The following MYO16 variants were observed in gnomAD, a reference collection of about 807,000 sequenced individuals.
MYO16 encodes the protein myosin XVI.
MYO16 carries 94 observed loss-of-function variants against 205.3 expected under a neutral mutation model. That is an observed-to-expected ratio of 0.46 (90% confidence interval 0.39 to 0.54). The LOEUF is 0.54. MYO16 is among the 20% of genes least tolerant of loss of function. The pLI, the probability that MYO16 is intolerant of heterozygous loss-of-function variation, is 0.00. For missense variants in MYO16, 2,315 were observed against 2,387.5 expected (o/e 0.97, Z 0.63); for synonymous variants, 988 against 954.0 (o/e 1.04, Z -0.66).
the MYO16 span, among the ~76,000 whole-genome samples, chr13:108,527,494 C>A: frequency 2.7e-3 from 409 of 152,242 alleles, 3 homozygotes; most frequent in African/African-American, 9.1e-3. Flanking sequence ...TAACCTCTGG[C>A]TTCAGTTATA....
intron 24 of MYO16, 72 bp downstream of exon 24, chr13:109,047,063 A>C: frequency 8.7e-7 from 1 of 1,155,072 alleles, no homozygotes; most frequent in Non-Finnish European, 1.3e-6. Flanking sequence ...ATCTCTGAAT[A>C]TTTTCCTAGA....
In MYO16 at chr13:109,166,523, G is replaced by C. The variant is rs576447244; in HGVS notation, c.5323+1464G>C. 2.0e-5 allele frequency: 3 copies of C among 152,334 alleles called. No individual in the cohort carries two copies. In the East Asian group the frequency reaches 5.8e-4, roughly 29 times the overall value. The allele number at this position is 152,334 out of a possible 1,614,324, so 9.4% of individuals were successfully genotyped here. A position where few individuals can be genotyped will look rare whatever the true frequency, so the allele number is the denominator to read the frequency against. On this transcript the variant is annotated intron_variant, in intron 33 of 34. Transcript: ENST00000457511. ...TGAAGTCTTAGGGAAAGAAGAGGGA[G>C]CGCATGAGCAGAAGAAAGACTTGGT...
the MYO16 span, among the ~76,000 whole-genome samples, chr13:108,547,146 C>A: frequency 6.6e-6 from 1 of 151,974 alleles, no homozygotes; most frequent in Admixed American, 6.6e-5. Context: ...ATGGCGGGCA[C>A]CTGTAGTCCC....
intron 22 of MYO16, among the ~76,000 whole-genome samples, chr13:109,018,606 AG>A (rs1885912157): frequency 6.6e-6 from 1 of 152,160 alleles, no homozygotes; most frequent in African/African-American, 2.4e-5. Flanking sequence ...AAGGCTCTGT[AG>A]GCATTGGATC....
At chr13:108,594,783 T>C (rs1878497030), upstream of MYO16, among the ~76,000 whole-genome samples, 1 of 152,200 alleles carries the variant, frequency 6.6e-6, no homozygotes, top group Admixed American at 6.5e-5. Flanking sequence ...CTTGTACCAT[T>C]GCCTGCTTGA....
intron 27 of MYO16, among the ~76,000 whole-genome samples, chr13:109,086,966 A>G (rs1156439803): frequency 6.6e-6 from 1 of 152,218 alleles, no homozygotes; most frequent in Non-Finnish European, 1.5e-5. Flanking sequence ...ACTGCTACTA[A>G]TGTTTAATAT....
intron 17 of MYO16, 50 bp from the exon 18 acceptor site, chr13:108,961,489 A>G: frequency 1.3e-6 from 2 of 1,490,648 alleles, no homozygotes; most frequent in South Asian, 1.1e-5. Flanking sequence ...TTGCCTTTTA[A>G]TCTTTCTTCT....
chr13:108,536,602 T>C, the MYO16 span, among the ~76,000 whole-genome samples: 3 of 152,114 alleles, frequency 2.0e-5, no homozygotes, highest in African/African-American at 7.2e-5. Context: ...TGTTCACTCA[T>C]CACTTAATAA....
intron 32 of MYO16, among the ~76,000 whole-genome samples, chr13:109,147,879 AG>A (rs1401413044): frequency 1.3e-5 from 2 of 152,156 alleles, no homozygotes; most frequent in East Asian, 3.9e-4. Flanking sequence ...TGGGGAAACT[AG>A]ATTAACACCC....
intron 1 of MYO16, among the ~76,000 whole-genome samples, chr13:108,632,136 A>C (rs556462719): frequency 6.7e-6 from 1 of 149,496 alleles, no homozygotes; most frequent in African/African-American, 2.4e-5. Flanking sequence ...GGGTTTATTG[A>C]TAAGGATCAT....
intron 7 of MYO16, among the ~76,000 whole-genome samples, chr13:108,816,475 G>A (rs1300249751): frequency 6.6e-6 from 1 of 151,748 alleles, no homozygotes; most frequent in African/African-American, 2.4e-5. Flanking sequence ...TAAGGTCTGT[G>A]CAGCATTAAC....
At chr13:108,858,160 G>T (rs1001574636) in intron 11 of MYO16, among the ~76,000 whole-genome samples, 3 of 152,184 alleles carry the variant, frequency 2.0e-5, no homozygotes, top group African/African-American at 7.2e-5. Flanking sequence ...GTGAAAATAA[G>T]TGTTTTTACA....
the MYO16 span, among the ~76,000 whole-genome samples, chr13:108,586,563 A>C: frequency 2.6e-5 from 4 of 152,332 alleles, no homozygotes; most frequent in South Asian, 4.1e-4. Flanking sequence ...AGGTCACTGC[A>C]GGGCAGATGC....
chr13:108,899,836 T>C (rs9514938), intron 15 of MYO16, among the ~76,000 whole-genome samples: 151,281 of 152,346 alleles, frequency 0.99, 75,124 homozygotes, highest in Middle Eastern at 1. Context: ...GGCCCAAGGA[T>C]GAGCACTGCG....
At chr13:108,771,370 A>G (rs1224334254) in intron 4 of MYO16, among the ~76,000 whole-genome samples, 2 of 152,182 alleles carry the variant, frequency 1.3e-5, no homozygotes, top group Non-Finnish European at 2.9e-5. Context: ...TTTTAGGTTC[A>G]CAGCAAAATT....
At chr13:109,047,126 C>A (rs1887070558) in intron 24 of MYO16, 135 bp downstream of exon 24, 5 of 650,040 alleles carry the variant, frequency 7.7e-6, no homozygotes, top group Non-Finnish European at 1.3e-5. Context: ...TTCTAATGCC[C>A]AGACTAATGA....
chr13:108,863,917 T>C (rs1346314612), intron 11 of MYO16, among the ~76,000 whole-genome samples: 1 of 152,162 alleles, frequency 6.6e-6, no homozygotes, highest in Non-Finnish European at 1.5e-5. Context: ...TGTATTTTCC[T>C]AGGATTGTTG....
intron 31 of MYO16, among the ~76,000 whole-genome samples, chr13:109,135,887 C>T (rs369179284): frequency 6.6e-6 from 1 of 152,120 alleles, no homozygotes; most frequent in South Asian, 2.1e-4. Context: ...TCTTAGAAGA[C>T]CTGTGGTTTT....
chr13:108,972,245 CTCTCTATATATA>C (rs1450260495), intron 20 of MYO16, among the ~76,000 whole-genome samples: 1 of 8,608 alleles, frequency 1.2e-4, no homozygotes, highest in Non-Finnish European at 2.5e-4. Flanking sequence ...CTCTCTCTCT[CTCTCTATATATA>C]TATATATATA....
Sources: allele counts gnomAD v4.1 joint callset (sites outside exome capture counted in the v4.1 genomes callset), GRCh38; gene constraint gnomAD v4.1.1; transcripts MANE v1.5; gene names NCBI Gene and HGNC (gene_info 2026-07-23, HGNC 2026-07-21).